Variants in ABL1 observed in about 807,000 individuals in gnomAD.
ABL1 encodes ABL proto-oncogene 1, non-receptor tyrosine kinase.
A neutral mutation model predicts 94.7 loss-of-function variants in ABL1; 11 were observed. The ratio of observed to expected loss-of-function variants is 0.12; its 90% confidence interval spans 0.07 to 0.19. ABL1 has a LOEUF of 0.19. Ranked by LOEUF, ABL1 falls within the 10% of genes least tolerant of loss-of-function variation. The probability of loss-of-function intolerance (pLI) is 1.00; values close to 1 mark genes in which losing one functional copy is unlikely to be tolerated. For missense variants in ABL1, 1,082 were observed against 1,489.4 expected (o/e 0.73, Z 4.50); for synonymous variants, 656 against 622.4 (o/e 1.05, Z -0.80).
At chr9:130,714,527 A>G in intron 1 of ABL1, 2 of 1,588,456 alleles carry the variant, frequency 1.3e-6, no homozygotes, top group Non-Finnish European at 1.7e-6. Flanking sequence ...GGAACTTTGA[A>G]CAACAGTACT....
At chr9:130,759,441 C>A (rs1252767334) in intron 1 of ABL1, among the ~76,000 whole-genome samples, 1 of 152,214 alleles carries the variant, frequency 6.6e-6, no homozygotes, top group Non-Finnish European at 1.5e-5. Flanking sequence ...CAGTGCTTTA[C>A]AATCCATTTT....
chr9:130,822,550 C>A (rs1299480087), intron 1 of ABL1, among the ~76,000 whole-genome samples: 1 of 150,350 alleles, frequency 6.7e-6, no homozygotes. Flanking sequence ...ACTATAGGCA[C>A]ACACCAGTGT....
intron 3 of ABL1, among the ~76,000 whole-genome samples, chr9:130,860,577 C>G (rs1831055085): frequency 6.6e-6 from 1 of 152,152 alleles, no homozygotes. Context: ...CCTGCTCCGA[C>G]GGGAGAGAGG....
chr9:130,713,195 T>G (rs1424765536), exon 1 of ABL1, among the ~76,000 whole-genome samples: 1 of 151,706 alleles, frequency 6.6e-6, no homozygotes, highest in Non-Finnish European at 1.5e-5. Context: ...GCTCGGGAGA[T>G]GTGACTGCCT....
At chr9:130,715,821 C>T (rs1229275350) in intron 1 of ABL1, among the ~76,000 whole-genome samples, 2 of 151,988 alleles carry the variant, frequency 1.3e-5, no homozygotes, top group Non-Finnish European at 1.5e-5. Context: ...CCTGATATCT[C>T]TTCAGGGGTT....
rs761704577 is a variant in ABL1, at chr9:130,885,257, C to T, written c.2967C>T (p.Ser989=). The T allele has an allele frequency of 2.5e-6, 4 of 1,613,768 alleles. No individual in the cohort carries two copies. Among genetic ancestry groups the T allele is most frequent in the Admixed American group, 3.3e-5 (2 of 60,018 alleles). ...APVPSTLPSA[S]SALAGDQPSS... ...TTCCCTCCACGTTGCCATCAGCATC[C>T]TCGGCCCTGGCAGGGGACCAGCCGT... The change falls in exon 11 of 11, where the codon TCC becomes TCT. Residue 989 remains serine, a synonymous_variant. Coordinates refer to ENST00000318560, the MANE Select transcript of ABL1 (RefSeq NM_005157.6).
intron 6 of ABL1, among the ~76,000 whole-genome samples, chr9:130,873,535 A>G (rs112789085): frequency 2.6e-5 from 4 of 152,152 alleles, no homozygotes; most frequent in African/African-American, 7.2e-5. Flanking sequence ...TCTCTTTATT[A>G]TCTTTTCATT....
At chr9:130,787,998 A>AGCGAT (rs71499270) in intron 1 of ABL1, among the ~76,000 whole-genome samples, 2 of 151,900 alleles carry the variant, frequency 1.3e-5, no homozygotes, top group Admixed American at 1.3e-4. Flanking sequence ...TTGGGTTGAA[A>AGCGAT]GTTCTCTTAT....
rs139905291 is a variant in ABL1, at chr9:130,719,383, G to T, written c.136+4928G>T. On this transcript the variant is annotated intron_variant, in intron 1 of 10. Coordinates refer to the ABL1 transcript ENST00000372348. ...GTCTCTACTAAAAATACAAAAATTA[G>T]CTGGGCGTGGTTGCAGGTGCCTGTA... Among the ~76,000 whole-genome samples the T allele has an allele frequency of 1.5e-3, 229 of 152,144 alleles. 2 individuals are homozygous for T. The highest frequency in any genetic ancestry group is 2.3e-3 in the Non-Finnish European group (155 of 68,012).
intron 1 of ABL1, among the ~76,000 whole-genome samples, chr9:130,742,551 A>G (rs1487869093): frequency 6.6e-6 from 1 of 152,196 alleles, no homozygotes; most frequent in Non-Finnish European, 1.5e-5. Flanking sequence ...TGTGCTAGGC[A>G]CTACCAAATA....
At chr9:130,811,426 A>G (rs1830206205) in intron 1 of ABL1, among the ~76,000 whole-genome samples, 1 of 152,222 alleles carries the variant, frequency 6.6e-6, no homozygotes, top group Non-Finnish European at 1.5e-5. Flanking sequence ...CTTAGAGGTA[A>G]TTACACATTG....
At chr9:130,726,092 A>T (rs997862786) in intron 1 of ABL1, among the ~76,000 whole-genome samples, 1 of 150,948 alleles carries the variant, frequency 6.6e-6, no homozygotes, top group Non-Finnish European at 1.5e-5. Context: ...CTCAGGTGAT[A>T]CTCCTGCCTC....
intron 3 of ABL1, among the ~76,000 whole-genome samples, chr9:130,855,663 C>G (rs1042655609): frequency 3.3e-5 from 5 of 152,096 alleles, no homozygotes; most frequent in African/African-American, 1.2e-4. Context: ...AGGGAGGTGG[C>G]CTATATGATT....
At chr9:130,795,813 A>T (rs1377962239) in intron 1 of ABL1, among the ~76,000 whole-genome samples, 2 of 152,236 alleles carry the variant, frequency 1.3e-5, no homozygotes, top group South Asian at 4.1e-4. Flanking sequence ...ATATAAAATA[A>T]GATACTAGTA....
intron 1 of ABL1, among the ~76,000 whole-genome samples, chr9:130,757,950 T>G (rs1261932645): frequency 6.6e-6 from 1 of 152,162 alleles, no homozygotes; most frequent in African/African-American, 2.4e-5. Context: ...CAATGGCCCC[T>G]CCAGGGCACA....
intron 1 of ABL1, among the ~76,000 whole-genome samples, chr9:130,788,919 A>AG (rs1233683963): frequency 6.6e-6 from 1 of 152,190 alleles, no homozygotes; most frequent in Non-Finnish European, 1.5e-5. Context: ...TATTTAGTCA[A>AG]GGTACTGTCT....
At chr9:130,751,674 G>GAATGCTTATGGAGCTGGCT (rs1471046682) in intron 1 of ABL1, among the ~76,000 whole-genome samples, 2 of 152,106 alleles carry the variant, frequency 1.3e-5, no homozygotes, top group Admixed American at 6.5e-5. Flanking sequence ...CCAGAGCCAG[G>GAATGCTTATGGAGCTGGCT]TATGGTCAGC....
chr9:130,736,725 A>G (rs1029571324), intron 1 of ABL1, among the ~76,000 whole-genome samples: 3 of 152,214 alleles, frequency 2.0e-5, no homozygotes, highest in South Asian at 2.1e-4. Flanking sequence ...TTCCGATCTC[A>G]GGTGATCTGC....
chr9:130,874,072 C>T (rs1490951593), intron 6 of ABL1, among the ~76,000 whole-genome samples: 2 of 152,194 alleles, frequency 1.3e-5, no homozygotes, highest in African/African-American at 4.8e-5. Context: ...TCAAAATCCT[C>T]TTAGGCACAA....
Sources: allele counts gnomAD v4.1 joint callset (sites outside exome capture counted in the v4.1 genomes callset), GRCh38; gene constraint gnomAD v4.1.1; transcripts MANE v1.5; gene names NCBI Gene and HGNC (gene_info 2026-07-23, HGNC 2026-07-21).